Variants in SGCD observed in about 807,000 individuals in gnomAD.
SGCD encodes sarcoglycan delta.
Under a neutral mutation model 36.6 loss-of-function variants are expected in SGCD, and 18 were observed. That is an observed-to-expected ratio of 0.49 (90% CI 0.34 to 0.73). SGCD has a LOEUF of 0.73. Among genes scored for constraint, SGCD ranks in the 30% least tolerant of loss-of-function variants. The pLI is 0.01. For missense variants in SGCD, 387 were observed against 346.7 expected (o/e 1.12, Z -0.92); for synonymous variants, 133 against 130.6 (o/e 1.02, Z -0.12).
intron 3 of SGCD, among the ~76,000 whole-genome samples, chr5:156,479,259 A>G (rs141467316): frequency 1.6e-4 from 24 of 150,972 alleles, no homozygotes; most frequent in African/African-American, 5.1e-4. Flanking sequence ...TGTCTGGCTA[A>G]TTTTTTTTGT....
rs562797659 is a variant in SGCD, at chr5:155,870,930, C to T, written c.-282+506C>T. ...ATAGAGTCCATTTTCACAATTGTTA[C>T]TTTCAAAGCAAATTACTCAAGATGA... On this transcript the variant is annotated intron_variant, in intron 1 of 9. Coordinates refer to the SGCD transcript ENST00000517913. Among the ~76,000 whole-genome samples, 118 of 152,232 alleles carry T rather than the reference C, an allele frequency of 7.8e-4. 1 individual carries two copies. The highest frequency in any genetic ancestry group is 4.2e-3 in the South Asian group (20 of 4,816).
At chr5:156,205,630 C>T (rs1764256793) in intron 3 of SGCD, among the ~76,000 whole-genome samples, 1 of 152,046 alleles carries the variant, frequency 6.6e-6, no homozygotes, top group African/African-American at 2.4e-5. Context: ...TATCTGTAGA[C>T]TATATCTTCT....
intron 3 of SGCD, among the ~76,000 whole-genome samples, chr5:156,201,193 C>T (rs1317524459): frequency 6.6e-6 from 1 of 152,114 alleles, no homozygotes; most frequent in South Asian, 2.1e-4. Flanking sequence ...TTTAACGCTA[C>T]TGAACTGTGT....
the SGCD span, among the ~76,000 whole-genome samples, chr5:155,823,695 G>C: frequency 6.6e-6 from 1 of 152,194 alleles, no homozygotes; most frequent in African/African-American, 2.4e-5. Context: ...ACAGCTTCTG[G>C]TGACTAGCTG....
chr5:156,685,435 A>T (rs1380023633), intron 7 of SGCD, among the ~76,000 whole-genome samples: 1 of 152,200 alleles, frequency 6.6e-6, no homozygotes, highest in East Asian at 1.9e-4. Flanking sequence ...GGAGTTAGGC[A>T]TATGCTGTCT....
At chr5:156,607,597 A>G (rs547765750) in intron 6 of SGCD, among the ~76,000 whole-genome samples, 20 of 152,250 alleles carry the variant, frequency 1.3e-4, no homozygotes, top group Non-Finnish European at 2.4e-4. Flanking sequence ...TTTTCTGTTG[A>G]TTGGAATAGT....
At chr5:156,078,476 G>A (rs1328624423) in intron 1 of SGCD, among the ~76,000 whole-genome samples, 2 of 146,104 alleles carry the variant, frequency 1.4e-5, no homozygotes, top group Middle Eastern at 7.6e-3. Flanking sequence ...TTGCACCACT[G>A]CAGTCCAGCC....
At chr5:156,528,337 G>A (rs1581121398) in intron 4 of SGCD, among the ~76,000 whole-genome samples, 2 of 152,278 alleles carry the variant, frequency 1.3e-5, no homozygotes, top group South Asian at 2.1e-4. Flanking sequence ...TGCATTGGAT[G>A]TAGAACACTG....
intron 3 of SGCD, among the ~76,000 whole-genome samples, chr5:156,300,382 T>C (rs1767021749): frequency 5.9e-5 from 9 of 152,110 alleles, no homozygotes; most frequent in Admixed American, 5.9e-4. Flanking sequence ...GACCCACTCA[T>C]CATTTAGGAG....
chr5:155,996,906 T>TAGATAGATAGATAGATAGAC (rs1472624095), intron 1 of SGCD, among the ~76,000 whole-genome samples: 8 of 141,902 alleles, frequency 5.6e-5, no homozygotes, highest in African/African-American at 1.8e-4. Context: ...GATAGATAGA[T>TAGATAGATAGATAGATAGAC]AGACAGACAG....
intron 1 of SGCD, among the ~76,000 whole-genome samples, chr5:155,951,476 T>G (rs945817902): frequency 6.6e-6 from 1 of 152,182 alleles, no homozygotes; most frequent in African/African-American, 2.4e-5. Context: ...AACTACCCTG[T>G]GATGCTAAGA....
chr5:156,653,838 C>A (rs1000991477), intron 7 of SGCD, among the ~76,000 whole-genome samples: 2 of 152,078 alleles, frequency 1.3e-5, no homozygotes, highest in African/African-American at 4.8e-5. Flanking sequence ...CACATTCACA[C>A]TGCTATGTCT....
At chr5:156,604,637 AT>A (rs891232032) in intron 6 of SGCD, among the ~76,000 whole-genome samples, 7 of 151,128 alleles carry the variant, frequency 4.6e-5, no homozygotes, top group Admixed American at 4.6e-4. Flanking sequence ...AACAATTTAT[AT>A]TTTTGATATT....
At chr5:155,877,576 G>T (rs998845162) in intron 1 of SGCD, among the ~76,000 whole-genome samples, 1 of 152,028 alleles carries the variant, frequency 6.6e-6, no homozygotes, top group African/African-American at 2.4e-5. Context: ...GTTGGTAGCT[G>T]TTCTCATTTT....
At chr5:156,176,777 G>C (rs565116579) in intron 3 of SGCD, among the ~76,000 whole-genome samples, 3 of 152,142 alleles carry the variant, frequency 2.0e-5, no homozygotes, top group South Asian at 4.1e-4. Flanking sequence ...GTTTTTTGTA[G>C]TTTAAATATC....
intron 6 of SGCD, among the ~76,000 whole-genome samples, chr5:156,629,969 G>C (rs11740282): frequency 0.12 from 18,240 of 148,252 alleles, 1,236 homozygotes; most frequent in Non-Finnish European, 0.15. Context: ...TCAAGTGACT[G>C]TCCTGCCTCA....
intron 3 of SGCD, among the ~76,000 whole-genome samples, chr5:156,215,823 C>T (rs1764556848): frequency 6.6e-6 from 1 of 152,132 alleles, no homozygotes; most frequent in Admixed American, 6.5e-5. Context: ...ATCCACCAGT[C>T]ACACTAGTTG....
chr5:156,626,128 A>C (rs1762431613), intron 6 of SGCD, among the ~76,000 whole-genome samples: 1 of 152,198 alleles, frequency 6.6e-6, no homozygotes, highest in Admixed American at 6.5e-5. Flanking sequence ...AGCCCCCTAC[A>C]ACAAAGAATG....
At chr5:156,108,595 T>C (rs1761707422) in intron 1 of SGCD, among the ~76,000 whole-genome samples, 1 of 152,168 alleles carries the variant, frequency 6.6e-6, no homozygotes, top group African/African-American at 2.4e-5. Flanking sequence ...TTTCATTTCT[T>C]TGAAACAGCC....
Sources: gnomAD v4.1 joint callset for allele counts (sites outside exome capture counted in the v4.1 genomes callset) on GRCh38, gnomAD v4.1.1 for gene constraint, MANE v1.5 for transcripts, NCBI Gene and HGNC (gene_info 2026-07-23, HGNC 2026-07-21) for gene names.